The following CFAP58 variants were observed in gnomAD, a reference collection of about 807,000 sequenced individuals.
The protein encoded by CFAP58 is cilia and flagella associated protein 58, also known as cilia- and flagella-associated protein 58.
CFAP58 carries 88 observed loss-of-function variants against 119.5 expected under a neutral mutation model. The observed-to-expected ratio is 0.74, with a 90% CI of 0.62 to 0.88. The LOEUF (loss-of-function observed/expected upper bound fraction) is 0.88. Among genes scored for constraint, CFAP58 ranks in the 40% least tolerant of loss-of-function variants. The pLI is 0.00. For missense variants in CFAP58, 990 were observed against 1,021.2 expected, an observed-to-expected ratio of 0.97 and a Z score of 0.42; for synonymous variants, 365 against 366.3, an observed-to-expected ratio of 1.00 and a Z score of 0.04.
rs72827905 is a variant in CFAP58, at chr10:104,437,460, C to T, written c.2257-10238C>T. On this transcript the variant is annotated intron_variant, in intron 15 of 17. Coordinates refer to ENST00000369704, the MANE Select transcript of CFAP58 (RefSeq NM_001008723.2). ...CCTGCCCATTCTGACATCATTGGTCCGTTTCAGTAGAATTGTTTAATATTT... is the reference window on the plus strand; with the variant it reads ...CCTGCCCATTCTGACATCATTGGTCTGTTTCAGTAGAATTGTTTAATATTT... Among the ~76,000 whole-genome samples, 1,261 of 152,302 alleles carry T rather than the reference C, an allele frequency of 8.3e-3. 10 individuals carry two copies. The highest frequency in any genetic ancestry group is 0.012 in the Admixed American group (180 of 15,296).
At chr10:104,351,329 A>G (rs569406451), upstream of CFAP58, among the ~76,000 whole-genome samples, 5 of 152,324 alleles carry the variant, frequency 3.3e-5, no homozygotes, top group East Asian at 9.6e-4. Flanking sequence ...TTTATTCATC[A>G]ACCCAACACA....
chr10:104,399,680 G>A (rs936420954), intron 12 of CFAP58, among the ~76,000 whole-genome samples, 180 bp downstream of exon 12: 6 of 151,848 alleles, frequency 4.0e-5, no homozygotes, highest in African/African-American at 1.5e-4. Context: ...TGACTTATGA[G>A]CACTTCCCAC....
intron 15 of CFAP58, among the ~76,000 whole-genome samples, chr10:104,437,417 A>T (rs80192198): frequency 0.014 from 2,151 of 152,346 alleles, 53 homozygotes; most frequent in African/African-American, 0.049. Context: ...ACATCCCTCC[A>T]GCATCATATG....
chr10:104,410,758 G>A (rs1459432821), intron 15 of CFAP58, among the ~76,000 whole-genome samples: 1 of 152,068 alleles, frequency 6.6e-6, no homozygotes, highest in Non-Finnish European at 1.5e-5. Context: ...TCCTGAATCT[G>A]AGGGTTCCTG....
chr10:104,368,397 T>C (rs1215098850), intron 5 of CFAP58, 26 bp from the exon 6 acceptor site: 1 of 1,611,886 alleles, frequency 6.2e-7, no homozygotes. Flanking sequence ...TAAAAAGCAT[T>C]AACCAGCTCA....
chr10:104,438,610 C>T (rs1021460477), intron 15 of CFAP58, among the ~76,000 whole-genome samples: 4 of 152,116 alleles, frequency 2.6e-5, no homozygotes, highest in African/African-American at 9.7e-5. Context: ...CCCCTGACCT[C>T]ATGATCCACC....
At position 104,376,908 on chromosome 10, in the gene CFAP58, G is replaced by C; in HGVS notation, c.1173+15G>C. ...TACTAAATAAGGTGAGTGTGTTACA[G>C]TCACACTGGTAAATAAATGTCTTTC... On this transcript the variant is annotated intron_variant, in intron 8 of 17. Transcript: ENST00000369704. 1.3e-6 allele frequency: 2 copies of C among 1,562,424 alleles called. No individual in the cohort carries two copies. The highest frequency in any genetic ancestry group is 3.4e-5 in the Admixed American group (2 of 59,648).
At chr10:104,385,753 A>G (rs1201668900) in intron 9 of CFAP58, among the ~76,000 whole-genome samples, 1 of 152,168 alleles carries the variant, frequency 6.6e-6, no homozygotes, top group East Asian at 1.9e-4. Flanking sequence ...CTGGTCAAGG[A>G]TGTAGTGGGA....
the CFAP58 span, among the ~76,000 whole-genome samples, chr10:104,340,192 G>T: frequency 6.6e-6 from 1 of 152,234 alleles, no homozygotes; most frequent in East Asian, 1.9e-4. Context: ...TCATGAACTG[G>T]CCTCTGCTTA....
intron 3 of CFAP58, among the ~76,000 whole-genome samples, chr10:104,362,795 C>A (rs1335432469): frequency 6.6e-6 from 1 of 152,208 alleles, no homozygotes; most frequent in African/African-American, 2.4e-5. Flanking sequence ...TCCTGAAGCA[C>A]ATGTGCACCT....
chr10:104,436,839 A>G (rs1314908898), intron 15 of CFAP58, among the ~76,000 whole-genome samples: 1 of 152,218 alleles, frequency 6.6e-6, no homozygotes, highest in Non-Finnish European at 1.5e-5. Flanking sequence ...CTGGTAAGGC[A>G]GTCCCTGGCG....
Position 104,380,117 on chromosome 10 carries a change from T to A in CFAP58, c.1262T>A (p.Ile421Asn). The change falls in exon 9 of 18, where the codon ATC (isoleucine) becomes AAC (asparagine). Residue 421 changes from isoleucine (I) to asparagine (N), a missense_variant. Transcript: ENST00000369704. ...GCCAAGAGGAACCTGGAGGGAGAAATCCAGAACTACAAGGATGAGGCTCAG... is the reference window on the plus strand; with the variant it reads ...GCCAAGAGGAACCTGGAGGGAGAAAACCAGAACTACAAGGATGAGGCTCAG... ...EQAKRNLEGEIQNYKDEAQKQ... is the reference protein window; with the variant it reads ...EQAKRNLEGENQNYKDEAQKQ... 6.2e-7 allele frequency: 1 copy of A among 1,613,940 alleles called. No individual in the cohort carries two copies. Among genetic ancestry groups the A allele is most frequent in the Non-Finnish European group, 8.5e-7 (1 of 1,179,972 alleles).
chr10:104,348,303 TGC>T, the CFAP58 span, among the ~76,000 whole-genome samples: 1 of 152,192 alleles, frequency 6.6e-6, no homozygotes, highest in Non-Finnish European at 1.5e-5. Flanking sequence ...CATGTAGGCC[TGC>T]AAGTCAGTGT....
intron 8 of CFAP58, among the ~76,000 whole-genome samples, chr10:104,379,597 G>T (rs568045551): frequency 6.6e-6 from 1 of 152,262 alleles, no homozygotes; most frequent in South Asian, 2.1e-4. Flanking sequence ...TGTAATCAAA[G>T]CCCAAGTTAT....
intron 15 of CFAP58, among the ~76,000 whole-genome samples, chr10:104,432,566 G>A (rs887413648): frequency 1.3e-5 from 2 of 151,792 alleles, no homozygotes; most frequent in African/African-American, 2.4e-5. Flanking sequence ...GCCATGGTGC[G>A]ATCTTGGCCC....
chr10:104,387,789 T>G (rs1294346617), intron 9 of CFAP58, among the ~76,000 whole-genome samples: 1 of 152,196 alleles, frequency 6.6e-6, no homozygotes, highest in Non-Finnish European at 1.5e-5. Flanking sequence ...GATCTCCCTC[T>G]TTTTTCATTT....
At chr10:104,341,577 G>A in the CFAP58 span, among the ~76,000 whole-genome samples, 3 of 151,640 alleles carry the variant, frequency 2.0e-5, no homozygotes, top group African/African-American at 7.2e-5. Flanking sequence ...TTTTTATTTA[G>A]GCAGTTGGTA....
At position 104,393,330 on chromosome 10, in the gene CFAP58, A is replaced by G. The variant is rs754720963; in HGVS notation, c.1529A>G (p.Asp510Gly). Residue 510 changes from aspartate (D) to glycine (G), a missense_variant and splice_region_variant, in exon 11 of 18, where the codon GAT (aspartate) becomes GGT (glycine). By Grantham distance (94) the Asp-to-Gly change is moderately conservative. Coordinates refer to ENST00000369704, the MANE Select transcript of CFAP58 (RefSeq NM_001008723.2). ...LYSKNLVEAQ[D>G]EITDMKRKLK... ...ACATTTCTCCTTTCATTTGGTTAGG[A>G]TGAAATAACAGATATGAAGAGAAAG... 1.9e-6 allele frequency: 3 copies of G among 1,611,684 alleles called. No individual in the cohort carries two copies. In the African/African-American group the frequency reaches 4.0e-5, roughly 22 times the overall value.
chr10:104,445,004 C>T (rs1373495958), intron 15 of CFAP58, among the ~76,000 whole-genome samples: 1 of 152,100 alleles, frequency 6.6e-6, no homozygotes, highest in East Asian at 1.9e-4. Context: ...ATAATAAATC[C>T]ATTTCAATTA....
Sources: gnomAD v4.1 joint callset for allele counts (sites outside exome capture counted in the v4.1 genomes callset) on GRCh38, gnomAD v4.1.1 for gene constraint, MANE v1.5 for transcripts, NCBI Gene and HGNC (gene_info 2026-07-23, HGNC 2026-07-21) for gene names.